Variants in LAMA2 observed in about 807,000 individuals in gnomAD.
The protein encoded by LAMA2 is laminin subunit alpha-2.
A neutral mutation model predicts 364.8 loss-of-function variants in LAMA2; 269 were observed. The observed-to-expected ratio is 0.74, with a 90% CI of 0.67 to 0.82. The LOEUF (loss-of-function observed/expected upper bound fraction) is 0.82. Among genes scored for constraint, LAMA2 ranks in the 40% least tolerant of loss-of-function variants. LAMA2 has a pLI of 0.00. For missense variants in LAMA2, 3,807 were observed against 3,873.2 expected (o/e 0.98, Z 0.45); for synonymous variants, 1,379 against 1,370.6 (o/e 1.01, Z -0.14).
rs747860244 is a variant in LAMA2, at chr6:128,883,297, G to A, written c.52G>A (p.Gly18Arg). The A allele has an allele frequency of 6.3e-7, 1 of 1,589,182 alleles. No individual in the cohort carries two copies. Among genetic ancestry groups the A allele is most frequent in the Non-Finnish European group, 8.6e-7 (1 of 1,167,972 alleles). The change falls in exon 1 of 65, where the codon GGG (glycine) becomes AGG (arginine). Residue 18 changes from glycine to arginine, a missense_variant. Gly to Arg is a moderately radical substitution (Grantham distance 125, BLOSUM62 -2). Around this residue, in one of 3 missense-constraint regions of LAMA2, gnomAD observed 394 missense variants for 403.5 expected, o/e 0.98. Coordinates refer to ENST00000421865, the MANE Select transcript of LAMA2 (RefSeq NM_000426.4). ...LLLLLLSGGLGGVQAQRPQQQ... is the reference protein window; with the variant it reads ...LLLLLLSGGLRGVQAQRPQQQ... ...CCTTCTGCTGCTCTCCGGAGGCCTC[G>A]GGGGCGTACAGGCGCAGCGGCCGCA...
intron 11 of LAMA2, among the ~76,000 whole-genome samples, chr6:129,190,921 C>G (rs1319732742): frequency 6.6e-6 from 1 of 152,184 alleles, no homozygotes; most frequent in Non-Finnish European, 1.5e-5. Context: ...GTTTACCTTT[C>G]TAACTTCACT....
intron 28 of LAMA2, among the ~76,000 whole-genome samples, chr6:129,325,744 G>T (rs917126222): frequency 6.6e-6 from 1 of 152,136 alleles, no homozygotes; most frequent in Non-Finnish European, 1.5e-5. Context: ...GGGTCTCAAA[G>T]TAACTTGCCC....
At chr6:129,142,350 C>T in intron 4 of LAMA2, among the ~76,000 whole-genome samples, 1 of 151,962 alleles carries the variant, frequency 6.6e-6, no homozygotes, top group East Asian at 1.9e-4. Context: ...GGCTTGCAGA[C>T]TGCTGACTTC....
chr6:129,499,947 G>A (rs1442959773), intron 58 of LAMA2, among the ~76,000 whole-genome samples: 1 of 151,940 alleles, frequency 6.6e-6, no homozygotes, highest in African/African-American at 2.4e-5. Context: ...GGGGGCAGGG[G>A]TCCTCACTTT....
chr6:128,938,894 T>A (rs1157198864), intron 1 of LAMA2, among the ~76,000 whole-genome samples: 1 of 152,174 alleles, frequency 6.6e-6, no homozygotes, highest in African/African-American at 2.4e-5. Flanking sequence ...TCCAAAAACC[T>A]AACAATGACT....
At position 129,305,442 on chromosome 6, in the gene LAMA2, A is replaced by G. The variant is rs1051322725; in HGVS notation, c.3174+4570A>G. ...TGGGCTCAAGAAATCCTCTCACCTCAGCCTCCAGAGTAGCTGGGACTACAG... is the reference window on the plus strand; with the variant it reads ...TGGGCTCAAGAAATCCTCTCACCTCGGCCTCCAGAGTAGCTGGGACTACAG... On this transcript the variant is annotated intron_variant, in intron 22 of 64. Transcript: ENST00000421865. Among the ~76,000 whole-genome samples the G allele has an allele frequency of 2.6e-5, 4 of 151,738 alleles. No homozygotes were observed. The East Asian group carries it at 7.7e-4, about 29-fold the overall frequency.
chr6:129,446,862 G>A (rs1455971858), intron 45 of LAMA2, among the ~76,000 whole-genome samples: 3 of 151,896 alleles, frequency 2.0e-5, no homozygotes, highest in Non-Finnish European at 4.4e-5. Flanking sequence ...ACATTGAAAA[G>A]GAATTCACGA....
chr6:129,093,582 A>C (rs1774982885), intron 3 of LAMA2, among the ~76,000 whole-genome samples: 1 of 152,144 alleles, frequency 6.6e-6, no homozygotes, highest in Non-Finnish European at 1.5e-5. Flanking sequence ...TTTGAGACTA[A>C]AGGATTCTTA....
intron 17 of LAMA2, among the ~76,000 whole-genome samples, chr6:129,273,483 T>C (rs1690213492): frequency 1.3e-5 from 2 of 152,180 alleles, no homozygotes; most frequent in African/African-American, 2.4e-5. Flanking sequence ...ATATAATTGA[T>C]TGAGTATGCA....
At chr6:129,072,104 G>T (rs9372918) in intron 3 of LAMA2, among the ~76,000 whole-genome samples, 3 of 151,860 alleles carry the variant, frequency 2.0e-5, no homozygotes, top group Non-Finnish European at 2.9e-5. Flanking sequence ...CCGAGATTAC[G>T]CCACTGCACT....
chr6:129,004,342 A>T (rs576897690), intron 1 of LAMA2, among the ~76,000 whole-genome samples: 16 of 57,732 alleles, frequency 2.8e-4, no homozygotes, highest in Non-Finnish European at 3.7e-4. Flanking sequence ...AGCATGGCAC[A>T]TGTATACATA....
intron 40 of LAMA2, among the ~76,000 whole-genome samples, chr6:129,423,512 G>T (rs942419504): frequency 6.6e-6 from 1 of 151,774 alleles, no homozygotes; most frequent in African/African-American, 2.4e-5. Flanking sequence ...AACATAGCAA[G>T]ACCTCATCTC....
chr6:129,479,847 ACAC>A (rs1389802571), intron 54 of LAMA2: 13 of 152,336 alleles, frequency 8.5e-5, no homozygotes, highest in Non-Finnish European at 5.9e-5. Flanking sequence ...TTGGCCATAG[ACAC>A]CCACTCTGAG....
At chr6:128,946,225 A>T (rs921899436) in intron 1 of LAMA2, among the ~76,000 whole-genome samples, 1 of 152,270 alleles carries the variant, frequency 6.6e-6, no homozygotes, top group Non-Finnish European at 1.5e-5. Flanking sequence ...AAGATTAAAA[A>T]GAAATCTAAG....
chr6:129,071,139 T>G (rs1171547268), intron 3 of LAMA2, among the ~76,000 whole-genome samples: 3 of 152,218 alleles, frequency 2.0e-5, no homozygotes, highest in Non-Finnish European at 4.4e-5. Context: ...TTTCTTATAT[T>G]TTCAGTTTAG....
chr6:129,027,317 G>A (rs1396816247), intron 1 of LAMA2, among the ~76,000 whole-genome samples: 1 of 152,024 alleles, frequency 6.6e-6, no homozygotes, highest in Non-Finnish European at 1.5e-5. Context: ...ATATGTAATA[G>A]CTTGTCCATT....
intron 34 of LAMA2, among the ~76,000 whole-genome samples, chr6:129,374,665 C>T (rs1483880270): frequency 6.6e-6 from 1 of 151,948 alleles, no homozygotes; most frequent in Non-Finnish European, 1.5e-5. Flanking sequence ...GCAACCTCCA[C>T]CTCCTAGGTT....
chr6:129,312,822 A>T (rs775882953), intron 22 of LAMA2, 39 bp from the exon 23 acceptor site: 2 of 1,344,934 alleles, frequency 1.5e-6, no homozygotes, highest in South Asian at 2.3e-5. Context: ...ATTTCCCATA[A>T]AGTTGTGTTA....
At chr6:128,913,427 A>C (rs1251355986) in intron 1 of LAMA2, among the ~76,000 whole-genome samples, 1 of 152,200 alleles carries the variant, frequency 6.6e-6, no homozygotes, top group African/African-American at 2.4e-5. Flanking sequence ...CTAACTCCTC[A>C]GGCTTCTGGC....
Sources: gnomAD v4.1 joint callset for allele counts (sites outside exome capture counted in the v4.1 genomes callset) on GRCh38, gnomAD v4.1.1 for gene constraint, gnomAD v4.1.1 regional missense constraint, MANE v1.5 for transcripts, NCBI Gene and HGNC (gene_info 2026-07-23, HGNC 2026-07-21) for gene names.